The following PDCD11 variants were observed in gnomAD, a reference collection of about 807,000 sequenced individuals.
The protein encoded by PDCD11 is programmed cell death 11.
Under a neutral mutation model 198.9 loss-of-function variants are expected in PDCD11, and 97 were observed. That is an observed-to-expected ratio of 0.49 (90% CI 0.41 to 0.58). The LOEUF (loss-of-function observed/expected upper bound fraction) is 0.58. PDCD11 is among the 20% of genes least tolerant of loss of function. PDCD11 has a pLI of 0.00. For synonymous variants in PDCD11, 893 were observed against 918.0 expected (o/e 0.97, Z 0.49); for missense variants, 2,102 against 2,312.7 (o/e 0.91, Z 1.87).
intron 24 of PDCD11, 83 bp from the exon 25 acceptor site, chr10:103,434,715 T>C: frequency 8.2e-7 from 1 of 1,214,208 alleles, no homozygotes; most frequent in Non-Finnish European, 1.1e-6. Flanking sequence ...GCCTCCACCT[T>C]CCCCAGCCTG....
chr10:103,420,146 G>A (rs1430343958), intron 16 of PDCD11, among the ~76,000 whole-genome samples: 1 of 151,964 alleles, frequency 6.6e-6, no homozygotes, highest in Non-Finnish European at 1.5e-5. Flanking sequence ...CTCTTAAGGT[G>A]TGTGTGACAT....
At position 103,421,687 on chromosome 10, in the gene PDCD11, G is replaced by A. The variant is rs182214593; in HGVS notation, c.2497+120G>A. 1.4e-3 allele frequency: 1,081 copies of A among 753,908 alleles called. 2 individuals are homozygous for A. Among genetic ancestry groups the A allele is most frequent in the Non-Finnish European group, 2.0e-3 (926 of 470,742 alleles). 46.7% of individuals were successfully genotyped at this position (753,908 alleles called of 1,614,324 possible). On this transcript the variant is annotated intron_variant, in intron 17 of 35. Coordinates refer to ENST00000369797, the MANE Select transcript of PDCD11 (RefSeq NM_014976.2). The stretch of plus-strand genomic sequence containing the variant: ...ACATAAGAAAAAAAAATTTGGGGCC[G>A]GGCGCGGTGGCTCACGCCTGTAATC...
intron 8 of PDCD11, among the ~76,000 whole-genome samples, chr10:103,412,321 C>T (rs1049471362): frequency 2.0e-5 from 3 of 149,586 alleles, no homozygotes; most frequent in Admixed American, 1.3e-4. Context: ...CCACCATGCC[C>T]GGCTAATTTT....
At chr10:103,417,770 A>G in intron 13 of PDCD11, 22 bp from the exon 14 acceptor site, 1 of 1,612,008 alleles carries the variant, frequency 6.2e-7, no homozygotes, top group Non-Finnish European at 8.5e-7. Flanking sequence ...GAGTTGGCCA[A>G]GCCTGTGTGG....
chr10:103,413,179 A>G lies in PDCD11; in HGVS notation c.1042A>G (p.Ile348Val). The G allele has an allele frequency of 6.2e-7, 1 of 1,613,988 alleles. No homozygotes were observed. Reference protein sequence around the residue: ...TRVVHLSLRPIFLQPGRPLTR... With the variant: ...TRVVHLSLRPVFLQPGRPLTR... ...AGTTGTGCACCTGAGCCTGCGCCCC[A>G]TCTTCCTACAGCCTGGACGCCCACT... Residue 348 changes from isoleucine (I) to valine (V), a missense_variant, in exon 9 of 36, where the codon ATC becomes GTC. Coordinates refer to ENST00000369797, the MANE Select transcript of PDCD11 (RefSeq NM_014976.2).
chr10:103,398,038 T>G (rs1202992157), intron 1 of PDCD11, among the ~76,000 whole-genome samples: 1 of 152,262 alleles, frequency 6.6e-6, no homozygotes, highest in African/African-American at 2.4e-5. Context: ...TAATCTGATT[T>G]GCATTTTAAG....
At chr10:103,435,045 A>G (rs2032094779) in intron 25 of PDCD11, 70 bp downstream of exon 25, 1 of 1,177,728 alleles carries the variant, frequency 8.5e-7, no homozygotes, top group Admixed American at 3.0e-5. Flanking sequence ...ACGTTGTTGT[A>G]ATACATGACT....
At chr10:103,406,159 G>A in intron 6 of PDCD11, 51 bp downstream of exon 6, 1 of 1,593,242 alleles carries the variant, frequency 6.3e-7, no homozygotes, top group South Asian at 1.1e-5. Context: ...GTACATGTGG[G>A]GATTATATTT....
chr10:103,418,594 T>G lies in PDCD11; in HGVS notation c.2066T>G (p.Leu689Arg). ...CATTGGCTCCAGGCAGGTGACATCC[T>G]TCACCGAGTCCTGTGTCTGAGCCAG... is the stretch of plus-strand genomic sequence containing the variant. ...LHHWLQAGDI[L>R]HRVLCLSQSE... The change falls in exon 15 of 36, where the codon CTT becomes CGT. Residue 689 changes from leucine (L) to arginine (R), a missense_variant. Physicochemically the swap from Leu to Arg is moderately radical, Grantham distance 102. Transcript: ENST00000369797. The G allele has an allele frequency of 6.2e-7, 1 of 1,614,178 alleles. No homozygotes were observed. Among genetic ancestry groups the G allele is most frequent in the Non-Finnish European group, 8.5e-7 (1 of 1,180,018 alleles).
At chr10:103,429,645 T>G (rs1300517006) in intron 21 of PDCD11, among the ~76,000 whole-genome samples, 1 of 152,134 alleles carries the variant, frequency 6.6e-6, no homozygotes, top group African/African-American at 2.4e-5. Flanking sequence ...TTTTTAAAAT[T>G]ACTATAACAC....
Position 103,419,692 on chromosome 10 carries a change from G to A in PDCD11, c.2261G>A (p.Gly754Glu). 6.2e-7 allele frequency: 1 copy of A among 1,613,906 alleles called. No individual in the cohort carries two copies. Among genetic ancestry groups the A allele is most frequent in the Non-Finnish European group, 8.5e-7 (1 of 1,179,884 alleles). Residue 754 changes from glycine to glutamate, a missense_variant, in exon 16 of 36, where the codon GGA becomes GAA. Gly to Glu is a moderately conservative substitution (Grantham distance 98, BLOSUM62 -2). Transcript: ENST00000369797. Reference sequence around the variant, plus strand: ...ATCCAGTTCCCCTCAGGTCTTAGCGGACTGGCCCCAAAAGCTGTAAGTTCA... The same window carrying A: ...ATCCAGTTCCCCTCAGGTCTTAGCGAACTGGCCCCAAAAGCTGTAAGTTCA... ...VFIQFPSGLSGLAPKAIMSDK... is the reference protein window; with the variant it reads ...VFIQFPSGLSELAPKAIMSDK...
At position 103,406,018 on chromosome 10, in the gene PDCD11, C is replaced by G; in HGVS notation, c.598C>G (p.His200Asp). 2 of 1,614,116 alleles carry G rather than the reference C, an allele frequency of 1.2e-6. No individual in the cohort carries two copies. Among genetic ancestry groups the G allele is most frequent in the Non-Finnish European group, 8.5e-7 (1 of 1,179,984 alleles). Residue 200 changes from histidine (H) to aspartate (D), a missense_variant, in exon 6 of 36, where the codon CAT becomes GAT. Transcript: ENST00000369797. ...AGGTACCGTATCCAGCCTGGAAGAC[C>G]ATGGCTACCTAGTGGACATTGGTGT... is the stretch of plus-strand genomic sequence containing the variant. The part of the protein sequence containing the change: ...LTGTVSSLED[H>D]GYLVDIGVDG...
intron 33 of PDCD11, 125 bp from the exon 34 acceptor site, chr10:103,443,790 T>C: frequency 1.1e-6 from 1 of 930,126 alleles, no homozygotes; most frequent in South Asian, 1.5e-5. Flanking sequence ...TCTCTAGCAT[T>C]AGGCCCTGAG....
At chr10:103,410,596 CTTTTCTTTTTTTTTT>C (rs1045498156) in intron 8 of PDCD11, among the ~76,000 whole-genome samples, 2 of 141,556 alleles carry the variant, frequency 1.4e-5, no homozygotes, top group Admixed American at 7.0e-5. Context: ...TTTTTCTTTT[CTTTTCTTTTTTTTTT>C]TTTTCTTTTT....
Position 103,443,955 on chromosome 10 carries a change from G to T in PDCD11, c.5165G>T (p.Arg1722Leu). 1 of 1,614,138 alleles carries T rather than the reference G, an allele frequency of 6.2e-7. No homozygotes were observed. The highest frequency in any genetic ancestry group is 8.5e-7 in the Non-Finnish European group (1 of 1,180,028). ...ELYNRMLKRF[R>L]QEKAVWIKYG... ...TACAACCGGATGCTGAAGCGTTTCC[G>T]GCAGGAGAAAGCTGTGTGGATCAAA... The change falls in exon 34 of 36, where the codon CGG becomes CTG. Residue 1722 changes from arginine to leucine, a missense_variant. By Grantham distance (102) the Arg-to-Leu change is moderately radical. Transcript: ENST00000369797.
In PDCD11 at chr10:103,409,587, A is replaced by G. The variant is rs1467563467; in HGVS notation, c.871-112A>G. The G allele has an allele frequency of 1.0e-5, 7 of 698,400 alleles. No individual in the cohort carries two copies. The Admixed American group carries it at 1.2e-4, about 12-fold the overall frequency. 43.3% of individuals were successfully genotyped at this position (698,400 alleles called of 1,614,324 possible). On this transcript the variant is annotated intron_variant, in intron 7 of 35. Coordinates refer to ENST00000369797, the MANE Select transcript of PDCD11 (RefSeq NM_014976.2). ...ATTGTTAAGAGTTACCTGGGAGAGG[A>G]GAGATACACAGTTAGGGATACTATG...
chr10:103,406,059 TTTTCTG>T lies in PDCD11; in HGVS notation c.640_645del (p.Phe214_Leu215del). Reference sequence around the variant, plus strand: ...ACATTGGTGTTGATGGGACCAGAGCTTTTCTGCCACTGCTGAAAGCCCAGGAGTACA... The same window carrying T: ...ACATTGGTGTTGATGGGACCAGAGCTCCACTGCTGAAAGCCCAGGAGTACA... On this transcript the variant is annotated inframe_deletion, in exon 6 of 36. Transcript: ENST00000369797. The T allele has an allele frequency of 6.2e-7, 1 of 1,614,058 alleles. No individual in the cohort carries two copies. Among genetic ancestry groups the T allele is most frequent in the Non-Finnish European group, 8.5e-7 (1 of 1,180,000 alleles).
At chr10:103,428,384 A>G (rs527723423) in intron 21 of PDCD11, among the ~76,000 whole-genome samples, 1 of 152,094 alleles carries the variant, frequency 6.6e-6, no homozygotes, top group South Asian at 2.1e-4. Flanking sequence ...GGAACTTCAA[A>G]GTAAGCCCTA....
rs1355307829 is a variant in PDCD11, at chr10:103,443,187, G to A, written c.4978G>A (p.Val1660Met). The A allele has an allele frequency of 6.9e-6, 11 of 1,599,464 alleles. No individual in the cohort carries two copies. Among genetic ancestry groups the A allele is most frequent in the East Asian group, 6.8e-5 (3 of 44,444 alleles). Residue 1660 changes from valine (V) to methionine (M), a missense_variant, in exon 33 of 36, where the codon GTG (valine) becomes ATG (methionine). Transcript: ENST00000369797. ...SFREEQEKLN[V>M]WVALLNLENM... ...CAGAGAGGAGCAGGAGAAGCTGAACGTGTGGGTGGCTCTGCTGAACCTGGA... is the reference window on the plus strand; with the variant it reads ...CAGAGAGGAGCAGGAGAAGCTGAACATGTGGGTGGCTCTGCTGAACCTGGA...
Sources: allele counts gnomAD v4.1 joint callset (sites outside exome capture counted in the v4.1 genomes callset), GRCh38; gene constraint gnomAD v4.1.1; transcripts MANE v1.5; gene names NCBI Gene and HGNC (gene_info 2026-07-23, HGNC 2026-07-21).